HIVEP3: variants seen among roughly 807,000 people sequenced by gnomAD.
HIVEP3 encodes the protein transcription factor HIVEP3.
A neutral mutation model predicts 152.8 loss-of-function variants in HIVEP3; 49 were observed. That is an observed-to-expected ratio of 0.32 (90% CI 0.26 to 0.41). The LOEUF (loss-of-function observed/expected upper bound fraction) is 0.41. HIVEP3 is among the 10% of genes least tolerant of loss of function. HIVEP3 has a pLI of 1.00. For synonymous variants in HIVEP3, 1,269 were observed against 1,289.0 expected (o/e 0.98, Z 0.33); for missense variants, 2,790 against 3,103.3 (o/e 0.90, Z 2.40).
chr1:41,666,170 T>C (rs1478059194), intron 2 of HIVEP3, among the ~76,000 whole-genome samples: 1 of 152,126 alleles, frequency 6.6e-6, no homozygotes, highest in Non-Finnish European at 1.5e-5. Context: ...TGTGCACATG[T>C]ATGGTAGGTG....
chr1:41,513,493 T>G lies in HIVEP3; in HGVS notation c.5728A>C (p.Thr1910Pro). Residue 1910 changes from threonine to proline, a missense_variant, in exon 8 of 9, where the codon ACG becomes CCG. Physicochemically the swap from Thr to Pro is conservative, Grantham distance 38. Transcript: ENST00000372583. ...ACCGAGCTGCCTCGTGTAGCCTCCG[T>G]GCCAGAGGCGGGGGCATCTGGGGGC... Reference protein sequence around the residue: ...PQPPDAPASGTEATRGSSVSE... With the variant: ...PQPPDAPASGPEATRGSSVSE... 1 of 1,608,998 alleles carries G rather than the reference T, an allele frequency of 6.2e-7. No individual in the cohort carries two copies. The highest frequency in any genetic ancestry group is 8.5e-7 in the Non-Finnish European group (1 of 1,178,376).
chr1:41,723,953 C>T (rs901546018), intron 1 of HIVEP3, among the ~76,000 whole-genome samples: 1 of 152,156 alleles, frequency 6.6e-6, no homozygotes, highest in Non-Finnish European at 1.5e-5. Flanking sequence ...ACTAGCAGCT[C>T]GGCTTTAGAG....
At chr1:41,828,367 T>TGAA (rs1299409185) in intron 1 of HIVEP3, among the ~76,000 whole-genome samples, 3 of 152,234 alleles carry the variant, frequency 2.0e-5, no homozygotes, top group Non-Finnish European at 2.9e-5. Flanking sequence ...AGGGATTTAC[T>TGAA]CTCCTTATTT....
At position 41,511,333 on chromosome 1, in the gene HIVEP3, T is replaced by C. The variant is rs1644453502; in HGVS notation, c.6406-67A>G. On this transcript the variant is annotated intron_variant, in intron 8 of 8. Transcript: ENST00000372583. This position sits in a 1 kb window ranked among gnomAD's most constrained non-coding sequence, Gnocchi z 4.9. ...GCTGGGCACATGGGGAGCCGAGGCCTGGAAGTGGGAGGGGGACTCGCCCAA... is the reference window on the plus strand; with the variant it reads ...GCTGGGCACATGGGGAGCCGAGGCCCGGAAGTGGGAGGGGGACTCGCCCAA... The C allele has an allele frequency of 1.5e-6, 2 of 1,370,064 alleles. No homozygotes were observed. Among genetic ancestry groups the C allele is most frequent in the Non-Finnish European group, 2.0e-6 (2 of 1,018,764 alleles). The allele number at this position is 1,370,064 out of a possible 1,614,324, so 84.9% of individuals were successfully genotyped here.
At chr1:41,685,840 A>T (rs1242932471) in intron 2 of HIVEP3, among the ~76,000 whole-genome samples, 1 of 152,100 alleles carries the variant, frequency 6.6e-6, no homozygotes, top group African/African-American at 2.4e-5. Flanking sequence ...GGGTATGTGT[A>T]GCATGGTTCT....
At chr1:41,807,378 G>A (rs773435834) in intron 1 of HIVEP3, among the ~76,000 whole-genome samples, 4 of 152,156 alleles carry the variant, frequency 2.6e-5, no homozygotes, top group African/African-American at 9.7e-5. Context: ...AGAGTGGAAG[G>A]GAAATCAGAA....
chr1:41,583,483 G>T lies in HIVEP3; in HGVS notation c.1315C>A (p.Pro439Thr). 1 of 1,613,872 alleles carries T rather than the reference G, an allele frequency of 6.2e-7. No homozygotes were observed. The highest frequency in any genetic ancestry group is 8.5e-7 in the Non-Finnish European group (1 of 1,179,868). The change falls in exon 4 of 9, where the codon CCC becomes ACC. Residue 439 changes from proline (P) to threonine (T), a missense_variant. This residue lies in a region of HIVEP3 where 134 missense variants were observed against 242.5 expected (regional missense o/e 0.55). Coordinates refer to ENST00000372583, the MANE Select transcript of HIVEP3 (RefSeq NM_024503.5). This position sits in a 1 kb window ranked among gnomAD's most constrained non-coding sequence, Gnocchi z 6.9. Reference sequence around the variant, plus strand: ...TCTTCGGTGGACAGGGGCAGGAGGGGCTGGGTGGAGGTGGCTGTCAGCATG... The same window carrying T: ...TCTTCGGTGGACAGGGGCAGGAGGGTCTGGGTGGAGGTGGCTGTCAGCATG... ...TAMLTATSTQ[P>T]LLPLSTEDKP...
intron 1 of HIVEP3, among the ~76,000 whole-genome samples, chr1:41,714,555 T>C (rs1467111): frequency 0.089 from 13,615 of 152,144 alleles, 1,663 homozygotes; most frequent in African/African-American, 0.26. Context: ...AGAACACGGG[T>C]TCTTTCTACT....
chr1:41,570,376 G>C (rs1441603759), intron 5 of HIVEP3, among the ~76,000 whole-genome samples: 1 of 152,186 alleles, frequency 6.6e-6, no homozygotes, highest in Non-Finnish European at 1.5e-5. Flanking sequence ...CATGGGGGCA[G>C]TTTCCCCTAT....
At position 41,544,912 on chromosome 1, in the gene HIVEP3, C is replaced by CCAT. The variant is rs1298509810; in HGVS notation, c.5208-20003_5208-20002insATG. The stretch of plus-strand genomic sequence containing the variant: ...ACCACCACCATCACCACCACCACTA[C>CCAT]CACCTCTACCACCACCATCACCACC... On this transcript the variant is annotated intron_variant, in intron 5 of 8. Transcript: ENST00000372583. 6.3e-4 allele frequency among the ~76,000 whole-genome samples: 33 copies of CCAT among 52,716 alleles called. 4 individuals carry two copies. The highest frequency in any genetic ancestry group is 7.9e-4 in the Non-Finnish European group (17 of 21,532). The allele number at this position is 52,716 out of a possible 152,430, so 34.6% of individuals were successfully genotyped here. A position where few individuals can be genotyped will look rare whatever the true frequency, so the allele number is the denominator to read the frequency against.
intron 1 of HIVEP3, among the ~76,000 whole-genome samples, chr1:41,991,525 G>T (rs1312523286): frequency 6.8e-6 from 1 of 147,050 alleles, no homozygotes; most frequent in African/African-American, 2.5e-5. Flanking sequence ...CAACCAAAAA[G>T]AGTCCAGGAC....
At chr1:41,697,862 A>ACCCT (rs999348190) in intron 2 of HIVEP3, among the ~76,000 whole-genome samples, 4 of 152,288 alleles carry the variant, frequency 2.6e-5, no homozygotes, top group African/African-American at 9.6e-5. Context: ...CATAGTATCA[A>ACCCT]CCCTGTAGGT....
intron 2 of HIVEP3, among the ~76,000 whole-genome samples, chr1:41,646,688 A>T (rs1645465490): frequency 6.6e-6 from 1 of 152,142 alleles, no homozygotes; most frequent in East Asian, 1.9e-4. Context: ...CCTCCAGGGC[A>T]CTCCAAGGAC....
intron 1 of HIVEP3, among the ~76,000 whole-genome samples, chr1:42,029,808 A>G (rs1645603415): frequency 6.6e-6 from 1 of 152,190 alleles, no homozygotes; most frequent in African/African-American, 2.4e-5. Flanking sequence ...TTTTGTATGC[A>G]TATTACAACA....
intron 1 of HIVEP3, among the ~76,000 whole-genome samples, chr1:41,713,584 A>G (rs1305342604): frequency 2.0e-5 from 3 of 152,222 alleles, no homozygotes; most frequent in African/African-American, 4.8e-5. Flanking sequence ...TGATTTTAAC[A>G]TTATTGTTTC....
chr1:41,632,888 G>A (rs185256679), intron 2 of HIVEP3, among the ~76,000 whole-genome samples: 2 of 152,344 alleles, frequency 1.3e-5, no homozygotes, highest in African/African-American at 4.8e-5. Context: ...GAGGTGCTGT[G>A]TAGGGGCCGG....
intron 1 of HIVEP3, among the ~76,000 whole-genome samples, chr1:41,770,813 G>A (rs529448386): frequency 6.6e-6 from 1 of 151,806 alleles, no homozygotes; most frequent in Non-Finnish European, 1.5e-5. Context: ...ATCCTGGATT[G>A]GATCCTGTTC....
chr1:41,597,094 C>T lies in HIVEP3; in HGVS notation c.-521-11776G>A, dbSNP rs181181013. Among the ~76,000 whole-genome samples the T allele has an allele frequency of 2.6e-5, 4 of 152,218 alleles. No homozygotes were observed. In the East Asian group the frequency reaches 5.8e-4, roughly 22 times the overall value. On this transcript the variant is annotated intron_variant, in intron 3 of 8. Transcript: ENST00000372583. Reference sequence around the variant, plus strand: ...TTCCTTCTCCTCCTCCCTCCCAACTCCAAGACCTAAACAGGGCTTGGAATT... The same window carrying T: ...TTCCTTCTCCTCCTCCCTCCCAACTTCAAGACCTAAACAGGGCTTGGAATT...
At chr1:41,919,112 A>G (rs745994377), upstream of HIVEP3, among the ~76,000 whole-genome samples, 6 of 151,726 alleles carry the variant, frequency 4.0e-5, no homozygotes, top group Non-Finnish European at 8.8e-5. Flanking sequence ...GTGCATATAT[A>G]TGCACATATA....
Sources: gnomAD v4.1 joint callset for allele counts (sites outside exome capture counted in the v4.1 genomes callset) on GRCh38, gnomAD v4.1.1 for gene constraint, gnomAD v4.1.1 regional missense constraint, Gnocchi (gnomAD v3.1) non-coding constraint, MANE v1.5 for transcripts, NCBI Gene and HGNC (gene_info 2026-07-23, HGNC 2026-07-21) for gene names.